The following ARHGAP44 variants were observed in gnomAD, a reference collection of about 807,000 sequenced individuals.
The protein encoded by ARHGAP44 is rho GTPase-activating protein 44.
ARHGAP44 carries 43 observed loss-of-function variants against 106.8 expected under a neutral mutation model. The ratio of observed to expected loss-of-function variants is 0.40; its 90% CI spans 0.32 to 0.52. The LOEUF (loss-of-function observed/expected upper bound fraction) is 0.52. Among genes scored for constraint, ARHGAP44 ranks in the 20% least tolerant of loss-of-function variants. ARHGAP44 has a pLI of 0.48. For synonymous variants in ARHGAP44, 439 were observed against 410.3 expected (o/e 1.07, Z -0.85); for missense variants, 866 against 1,050.5 (o/e 0.82, Z 2.43).
intron 1 of ARHGAP44, among the ~76,000 whole-genome samples, chr17:12,868,591 T>TTATATATA (rs1209692482): frequency 0.054 from 2,441 of 45,262 alleles, 47 homozygotes; most frequent in Non-Finnish European, 0.074. Context: ...TATATGCATT[T>TTATATATA]TATATATATA....
chr17:12,946,536 C>A (rs1351098306), intron 10 of ARHGAP44, among the ~76,000 whole-genome samples: 1 of 150,454 alleles, frequency 6.6e-6, no homozygotes, highest in Non-Finnish European at 1.5e-5. Flanking sequence ...TGGTGGCTCA[C>A]ACCTCTAATC....
chr17:12,837,852 C>T (rs947743362), intron 1 of ARHGAP44, among the ~76,000 whole-genome samples: 2 of 152,052 alleles, frequency 1.3e-5, no homozygotes, highest in African/African-American at 2.4e-5. Context: ...TGGGCCCTGC[C>T]TTGTTTACTG....
chr17:12,916,995 C>T (rs778596931), intron 5 of ARHGAP44, among the ~76,000 whole-genome samples: 7 of 152,276 alleles, frequency 4.6e-5, no homozygotes, highest in African/African-American at 1.2e-4. Context: ...TTCACATATT[C>T]GGATTTGAGA....
chr17:12,887,385 T>C (rs955810966), intron 1 of ARHGAP44, among the ~76,000 whole-genome samples: 2 of 151,992 alleles, frequency 1.3e-5, no homozygotes, highest in Non-Finnish European at 2.9e-5. Context: ...TGTACTACCA[T>C]GCCTGGCTAA....
intron 6 of ARHGAP44, among the ~76,000 whole-genome samples, chr17:12,920,100 GGT>G: frequency 6.6e-6 from 1 of 152,182 alleles, no homozygotes; most frequent in East Asian, 1.9e-4. Context: ...AATGTGGCCG[GGT>G]GCAGTGGCTC....
At chr17:12,947,626 CT>C (rs1488812351) in intron 10 of ARHGAP44, among the ~76,000 whole-genome samples, 18 of 152,356 alleles carry the variant, frequency 1.2e-4, no homozygotes, top group African/African-American at 4.3e-4. Flanking sequence ...CCTCCTCCAC[CT>C]AGTTTTTATG....
chr17:12,841,744 T>G (rs2035414984), intron 1 of ARHGAP44, among the ~76,000 whole-genome samples: 1 of 152,034 alleles, frequency 6.6e-6, no homozygotes, highest in South Asian at 2.1e-4. Flanking sequence ...CTACTTAACC[T>G]CTCTGAGCTA....
At chr17:12,906,760 C>T (rs2037562052) in intron 3 of ARHGAP44, among the ~76,000 whole-genome samples, 1 of 151,934 alleles carries the variant, frequency 6.6e-6, no homozygotes, top group Non-Finnish European at 1.5e-5. Context: ...CATAGTGAGA[C>T]ACCATCTCTA....
At chr17:12,821,842 C>T (rs574736483) in intron 1 of ARHGAP44, among the ~76,000 whole-genome samples, 12 of 152,244 alleles carry the variant, frequency 7.9e-5, no homozygotes, top group South Asian at 4.2e-4. Context: ...ATAGATCAAC[C>T]GACTTCCTAT....
At chr17:12,842,343 GGAGGTC>G (rs1567642915) in intron 1 of ARHGAP44, among the ~76,000 whole-genome samples, 2 of 149,012 alleles carry the variant, frequency 1.3e-5, no homozygotes, top group Non-Finnish European at 3.0e-5. Flanking sequence ...CTTGAGACCA[GGAGGTC>G]GAGGCTGTGG....
At chr17:12,962,792 G>GCC (rs1205537630) in intron 16 of ARHGAP44, among the ~76,000 whole-genome samples, 2 of 152,106 alleles carry the variant, frequency 1.3e-5, no homozygotes, top group East Asian at 3.9e-4. Context: ...ATGCCTGTAA[G>GCC]CCCAGCACTT....
chr17:12,916,800 G>A (rs1429156547), intron 5 of ARHGAP44, among the ~76,000 whole-genome samples: 2 of 152,208 alleles, frequency 1.3e-5, no homozygotes, highest in African/African-American at 4.8e-5. Flanking sequence ...CTTCAGCCAA[G>A]TGAAAGCTTC....
chr17:12,847,014 A>G (rs2035588125), intron 1 of ARHGAP44, among the ~76,000 whole-genome samples: 1 of 152,226 alleles, frequency 6.6e-6, no homozygotes, highest in Non-Finnish European at 1.5e-5. Context: ...GCGTCGTTGA[A>G]GTGGCAGCTT....
At chr17:12,873,930 C>T (rs58644474) in intron 1 of ARHGAP44, among the ~76,000 whole-genome samples, 1,343 of 17,622 alleles carry the variant, frequency 0.076, 24 homozygotes, top group Middle Eastern at 0.15. Flanking sequence ...AATAAATAAA[C>T]AAATAAATAA....
chr17:12,889,918 A>G (rs986117490), intron 1 of ARHGAP44, among the ~76,000 whole-genome samples: 3 of 152,240 alleles, frequency 2.0e-5, no homozygotes, highest in African/African-American at 4.8e-5. Context: ...AAAATCCAAT[A>G]GGGAAAATGT....
At chr17:12,888,795 ATTG>A (rs1283029855) in intron 1 of ARHGAP44, among the ~76,000 whole-genome samples, 1 of 151,748 alleles carries the variant, frequency 6.6e-6, no homozygotes, top group Non-Finnish European at 1.5e-5. Context: ...TACACTTAGG[ATTG>A]TTGTGTCTTA....
chr17:12,853,118 C>A (rs908226266), intron 1 of ARHGAP44, among the ~76,000 whole-genome samples: 1 of 152,072 alleles, frequency 6.6e-6, no homozygotes, highest in African/African-American at 2.4e-5. Context: ...GTCTGAGTCC[C>A]GAATACAGCC....
chr17:12,881,469 T>G (rs1374856060), intron 1 of ARHGAP44, among the ~76,000 whole-genome samples: 2 of 152,140 alleles, frequency 1.3e-5, no homozygotes, highest in Non-Finnish European at 2.9e-5. Context: ...CACTTTTTTA[T>G]CTGTCATTTT....
intron 1 of ARHGAP44, among the ~76,000 whole-genome samples, chr17:12,829,297 C>G (rs1240958743): frequency 6.6e-6 from 1 of 152,072 alleles, no homozygotes; most frequent in African/African-American, 2.4e-5. Flanking sequence ...TAACAACTTT[C>G]CTTTCCTCTG....
Sources: gnomAD v4.1 joint callset for allele counts (sites outside exome capture counted in the v4.1 genomes callset) on GRCh38, gnomAD v4.1.1 for gene constraint, MANE v1.5 for transcripts, NCBI Gene and HGNC (gene_info 2026-07-23, HGNC 2026-07-21) for gene names.